Variants in BACH2 observed in about 807,000 individuals in gnomAD.
The protein encoded by BACH2 is BACH transcriptional regulator 2.
In BACH2, 5 loss-of-function variants were observed where a neutral mutation model predicts 61.8. The ratio of observed to expected loss-of-function variants is 0.08; its 90% CI spans 0.04 to 0.17. The LOEUF (loss-of-function observed/expected upper bound fraction) is 0.17, where lower values mean the gene tolerates loss of function less well. Ranked by LOEUF, BACH2 falls within the 10% of genes least tolerant of loss-of-function variation. BACH2 has a pLI of 1.00. For missense variants in BACH2, 824 were observed against 1,091.1 expected, an observed-to-expected ratio of 0.76 and a Z score of 3.45; for synonymous variants, 446 against 440.1, an observed-to-expected ratio of 1.01 and a Z score of -0.17.
intron 7 of BACH2, among the ~76,000 whole-genome samples, chr6:89,941,042 T>C (rs1481878024): frequency 1.3e-5 from 2 of 152,042 alleles, no homozygotes; most frequent in African/African-American, 4.8e-5. Flanking sequence ...GAAAAACATA[T>C]GGGTCTGGGC....
At chr6:89,936,594 A>G (rs796552807) in intron 8 of BACH2, among the ~76,000 whole-genome samples, 5 of 152,326 alleles carry the variant, frequency 3.3e-5, no homozygotes, top group African/African-American at 1.2e-4. Context: ...AGGTAGCTAC[A>G]GACTGGAACA....
intron 5 of BACH2, among the ~76,000 whole-genome samples, chr6:90,087,251 C>T (rs752254301): frequency 1.3e-5 from 2 of 152,154 alleles, no homozygotes; most frequent in Non-Finnish European, 2.9e-5. Context: ...CTAAGTGCTA[C>T]TCTGAATGAT....
chr6:90,122,508 G>C (rs1783672215), intron 4 of BACH2, among the ~76,000 whole-genome samples: 1 of 152,332 alleles, frequency 6.6e-6, no homozygotes, highest in East Asian at 1.9e-4. Context: ...CTTTCTCCTT[G>C]AGGGCTGGGA....
intron 5 of BACH2, among the ~76,000 whole-genome samples, chr6:90,027,237 C>T (rs1468206001): frequency 6.6e-6 from 1 of 152,150 alleles, no homozygotes; most frequent in East Asian, 1.9e-4. Context: ...GGGGAAAAGG[C>T]AGTGAAAAGG....
At chr6:90,035,741 T>C (rs996212046) in intron 5 of BACH2, among the ~76,000 whole-genome samples, 2 of 151,994 alleles carry the variant, frequency 1.3e-5, no homozygotes, top group African/African-American at 4.8e-5. Flanking sequence ...ATTTCAGTGG[T>C]AGAAAGAACT....
chr6:90,047,243 C>T (rs1039264919), intron 5 of BACH2, among the ~76,000 whole-genome samples: 5 of 152,168 alleles, frequency 3.3e-5, no homozygotes, highest in Non-Finnish European at 5.9e-5. Context: ...TTTCTACAAA[C>T]CTTTATCCTC....
chr6:90,222,731 C>T (rs1355346372), intron 3 of BACH2, among the ~76,000 whole-genome samples: 4 of 152,140 alleles, frequency 2.6e-5, no homozygotes, highest in African/African-American at 4.8e-5. Flanking sequence ...AAAACTTCCT[C>T]GTTCTTTATG....
chr6:89,937,077 G>A (rs1773069699), intron 8 of BACH2, among the ~76,000 whole-genome samples: 1 of 151,968 alleles, frequency 6.6e-6, no homozygotes, highest in African/African-American at 2.4e-5. Flanking sequence ...AGGAGAAGGG[G>A]CGGGGGCACA....
intron 6 of BACH2, among the ~76,000 whole-genome samples, chr6:89,960,758 CG>C (rs1158178876): frequency 6.6e-6 from 1 of 152,302 alleles, no homozygotes; most frequent in East Asian, 1.9e-4. Context: ...GCCCTTCTGG[CG>C]GGGTGCCACA....
intron 1 of BACH2, among the ~76,000 whole-genome samples, chr6:90,274,993 G>C (rs1771646779): frequency 6.6e-6 from 1 of 152,214 alleles, no homozygotes; most frequent in South Asian, 2.1e-4. Context: ...CAAACGCAGG[G>C]AGGACTAGTC....
intron 4 of BACH2, among the ~76,000 whole-genome samples, chr6:90,162,687 G>T (rs148859681): frequency 6.6e-6 from 1 of 152,204 alleles, no homozygotes; most frequent in East Asian, 1.9e-4. Context: ...AGACACCAGA[G>T]ATTTGTCTAC....
intron 5 of BACH2, among the ~76,000 whole-genome samples, chr6:90,068,568 T>C (rs1244286672): frequency 6.6e-6 from 1 of 151,972 alleles, no homozygotes; most frequent in Non-Finnish European, 1.5e-5. Context: ...AGCCATGCTC[T>C]TTCCAGTAGT....
chr6:90,007,753 C>A (rs947235437), intron 6 of BACH2, among the ~76,000 whole-genome samples: 1 of 152,158 alleles, frequency 6.6e-6, no homozygotes, highest in Non-Finnish European at 1.5e-5. Context: ...GAGTTGTACT[C>A]CTGGGAGTTA....
intron 4 of BACH2, among the ~76,000 whole-genome samples, chr6:90,151,678 G>C (rs1401181119): frequency 6.6e-6 from 1 of 152,228 alleles, no homozygotes; most frequent in African/African-American, 2.4e-5. Context: ...GTGATTTTCA[G>C]TTTTTCTCTG....
intron 3 of BACH2, among the ~76,000 whole-genome samples, chr6:90,213,008 A>T (rs1050480349): frequency 2.0e-5 from 3 of 152,224 alleles, no homozygotes; most frequent in Admixed American, 6.5e-5. Flanking sequence ...CGCAGTCTCC[A>T]GTGATTTAGG....
At chr6:90,122,052 G>A (rs983892207) in intron 4 of BACH2, among the ~76,000 whole-genome samples, 5 of 152,134 alleles carry the variant, frequency 3.3e-5, no homozygotes, top group African/African-American at 1.2e-4. Flanking sequence ...GGTTGATTCT[G>A]GGGCAGCAGA....
At chr6:90,231,349 T>C (rs1462056206) in intron 3 of BACH2, among the ~76,000 whole-genome samples, 8 of 152,198 alleles carry the variant, frequency 5.3e-5, no homozygotes, top group Non-Finnish European at 1.0e-4. Context: ...TGCTGACAAA[T>C]GTGACCTTGT....
chr6:90,175,938 A>C (rs952495892), intron 4 of BACH2, among the ~76,000 whole-genome samples: 1 of 152,086 alleles, frequency 6.6e-6, no homozygotes, highest in African/African-American at 2.4e-5. Context: ...CTTGGAGCCT[A>C]ACCAAACTAC....
intron 5 of BACH2, among the ~76,000 whole-genome samples, chr6:90,049,113 C>G (rs1305328509): frequency 3.3e-5 from 5 of 152,162 alleles, no homozygotes; most frequent in African/African-American, 1.2e-4. Flanking sequence ...TCCATATGCA[C>G]CATCTCAATC....
Sources: gnomAD v4.1 joint callset for allele counts (sites outside exome capture counted in the v4.1 genomes callset) on GRCh38, gnomAD v4.1.1 for gene constraint, MANE v1.5 for transcripts, NCBI Gene and HGNC (gene_info 2026-07-23, HGNC 2026-07-21) for gene names.